The following KRABD5 variants were observed in gnomAD, a reference collection of about 807,000 sequenced individuals.
The protein encoded by KRABD5 is KRAB domain-containing protein 5.
At chr16:31,724,848 T>C in the KRABD5 span, among the ~76,000 whole-genome samples, 1 of 152,314 alleles carries the variant, frequency 6.6e-6, no homozygotes, top group South Asian at 2.1e-4. Flanking sequence ...TCCCCAGTTT[T>C]ACCACCTGTC....
At chr16:31,723,154 T>A in the KRABD5 span, 1 of 1,267,824 alleles carries the variant, frequency 7.9e-7, no homozygotes, top group Non-Finnish European at 1.1e-6. Flanking sequence ...GGGGAAGTAA[T>A]TTTCTAGGAT....
the KRABD5 span, chr16:31,713,265 T>C: frequency 3.1e-5 from 27 of 874,384 alleles, no homozygotes; most frequent in Non-Finnish European, 4.7e-5. Flanking sequence ...GTGGCCTTTG[T>C]TGGCTGCAGT....
At chr16:31,738,740 A>G in the KRABD5 span, among the ~76,000 whole-genome samples, 12 of 152,088 alleles carry the variant, frequency 7.9e-5, no homozygotes, top group African/African-American at 2.4e-4. Context: ...TTTTGTATCT[A>G]TTTTGGTCCC....
At chr16:31,752,159 T>TGG in the KRABD5 span, among the ~76,000 whole-genome samples, 1 of 152,216 alleles carries the variant, frequency 6.6e-6, no homozygotes, top group African/African-American at 2.4e-5. Context: ...TATTGAGACT[T>TGG]GCTTTCTGGC....
the KRABD5 span, chr16:31,758,987 G>A: frequency 6.1e-6 from 1 of 163,220 alleles, no homozygotes; most frequent in African/African-American, 2.4e-5. Flanking sequence ...AATTTTTCAT[G>A]TTTTATATTT....
chr16:31,714,899 C>T, the KRABD5 span, among the ~76,000 whole-genome samples: 1 of 152,168 alleles, frequency 6.6e-6, no homozygotes, highest in Admixed American at 6.5e-5. Context: ...AATAAAACAT[C>T]TGGATATAGG....
the KRABD5 span, among the ~76,000 whole-genome samples, chr16:31,745,931 G>T: frequency 1.3e-4 from 20 of 151,910 alleles, no homozygotes; most frequent in African/African-American, 4.8e-4. Flanking sequence ...TCAGAAACTA[G>T]GATTGCAACC....
At chr16:31,713,346 A>G in the KRABD5 span, 1 of 1,551,914 alleles carries the variant, frequency 6.4e-7, no homozygotes, top group Non-Finnish European at 8.8e-7. Context: ...TCGCGTTCTG[A>G]GAATAGACAG....
At chr16:31,748,559 G>GT in the KRABD5 span, among the ~76,000 whole-genome samples, 4 of 152,182 alleles carry the variant, frequency 2.6e-5, no homozygotes, top group Admixed American at 6.5e-5. Context: ...GCTCAGTGTA[G>GT]TTTTTTATTA....
the KRABD5 span, chr16:31,754,410 G>T: frequency 1.6e-6 from 1 of 620,938 alleles, no homozygotes; most frequent in Non-Finnish European, 2.8e-6. Flanking sequence ...ACAGCCTTTA[G>T]GCAGGACTAT....
At chr16:31,719,985 CAGA>C in the KRABD5 span, among the ~76,000 whole-genome samples, 1 of 152,156 alleles carries the variant, frequency 6.6e-6, no homozygotes, top group Non-Finnish European at 1.5e-5. Context: ...GACAGGGAAA[CAGA>C]AGAAGAGAGA....
the KRABD5 span, chr16:31,759,465 G>A: frequency 6.7e-7 from 1 of 1,490,106 alleles, no homozygotes; most frequent in East Asian, 2.5e-5. Context: ...CTTCGAAAAG[G>A]GGTGAAGTTT....
chr16:31,731,775 A>G, the KRABD5 span, among the ~76,000 whole-genome samples: 3 of 152,222 alleles, frequency 2.0e-5, no homozygotes, highest in Non-Finnish European at 4.4e-5. Context: ...CAGGTTGAGC[A>G]AAACTCCTGA....
the KRABD5 span, among the ~76,000 whole-genome samples, chr16:31,741,782 C>G: frequency 6.6e-6 from 1 of 152,014 alleles, no homozygotes; most frequent in African/African-American, 2.4e-5. Context: ...TTTTGCTGTG[C>G]AGAAACTCTT....
At chr16:31,716,858 G>A in the KRABD5 span, among the ~76,000 whole-genome samples, 1 of 152,126 alleles carries the variant, frequency 6.6e-6, no homozygotes, top group Admixed American at 6.5e-5. Context: ...AATAAGGGAA[G>A]ACATATTTCT....
the KRABD5 span, among the ~76,000 whole-genome samples, chr16:31,743,503 C>T: frequency 2.6e-5 from 4 of 152,192 alleles, no homozygotes; most frequent in African/African-American, 7.2e-5. Context: ...GTACCAGTAC[C>T]GTGCTGTTTT....
chr16:31,724,259 A>G, the KRABD5 span, among the ~76,000 whole-genome samples: 1 of 150,900 alleles, frequency 6.6e-6, no homozygotes, highest in African/African-American at 2.4e-5. Flanking sequence ...CTTGTAAATT[A>G]TATATATTTA....
chr16:31,746,835 G>C, the KRABD5 span, among the ~76,000 whole-genome samples: 1 of 151,686 alleles, frequency 6.6e-6, no homozygotes, highest in Non-Finnish European at 1.5e-5. Flanking sequence ...TTTTTCTCTA[G>C]TCTTGTCTGC....
At chr16:31,742,900 A>T in the KRABD5 span, among the ~76,000 whole-genome samples, 40 of 152,114 alleles carry the variant, frequency 2.6e-4, no homozygotes, top group Non-Finnish European at 5.3e-4. Context: ...ATTTGCATTT[A>T]TCTGATGATC....
Sources: gnomAD v4.1 joint callset for allele counts (sites outside exome capture counted in the v4.1 genomes callset) on GRCh38, gnomAD v4.1.1 for gene constraint, MANE v1.5 for transcripts, NCBI Gene and HGNC (gene_info 2026-07-23, HGNC 2026-07-21) for gene names.